The following PEPD variants were observed in gnomAD, a reference collection of about 807,000 sequenced individuals.
PEPD encodes peptidase D.
A neutral mutation model predicts 60.7 loss-of-function variants in PEPD; 53 were observed. The observed-to-expected ratio is 0.87, with a 90% confidence interval of 0.70 to 1.10. The LOEUF is 1.10. PEPD is among the 50% of genes least tolerant of loss of function. The pLI is 0.00. For synonymous variants in PEPD, 267 were observed against 284.1 expected (o/e 0.94, Z 0.60); for missense variants, 711 against 711.9 (o/e 1.00, Z 0.01).
At chr19:33,519,319 T>C (rs1971086482) in intron 1 of PEPD, among the ~76,000 whole-genome samples, 1 of 152,200 alleles carries the variant, frequency 6.6e-6, no homozygotes. Context: ...TCTGAGATGC[T>C]AGTTTAGGGC....
At chr19:33,506,670 C>T (rs1181508529) in intron 3 of PEPD, among the ~76,000 whole-genome samples, 4 of 148,496 alleles carry the variant, frequency 2.7e-5, no homozygotes, top group Non-Finnish European at 3.0e-5. Flanking sequence ...CTCACATGCA[C>T]CCTACACACC....
In PEPD at chr19:33,411,657, G is replaced by A. The variant is rs780878357; in HGVS notation, c.818+15C>T. 20 of 1,492,422 alleles carry A rather than the reference G, an allele frequency of 1.3e-5. No homozygotes were observed. Among genetic ancestry groups the A allele is most frequent in the East Asian group, 2.3e-5 (1 of 44,298 alleles). 92.4% of individuals were successfully genotyped at this position (1,492,422 alleles called of 1,614,324 possible). On this transcript the variant is annotated intron_variant, in intron 11 of 14. Transcript: ENST00000244137. ...GCTGTTCACACACAGAGCCAGGGCC[G>A]CTGGCCCTACTTACCACATATCCCC...
chr19:33,401,576 GC>G, intron 12 of PEPD, 144 bp downstream of exon 12: 1 of 790,314 alleles, frequency 1.3e-6, no homozygotes, highest in Non-Finnish European at 2.1e-6. Flanking sequence ...GAGACCTGAC[GC>G]CACTGGAATC....
At chr19:33,454,625 A>T (rs1039707772) in intron 9 of PEPD, among the ~76,000 whole-genome samples, 4 of 152,186 alleles carry the variant, frequency 2.6e-5, no homozygotes, top group African/African-American at 9.6e-5. Context: ...AAAAAGAAAG[A>T]AAGTACAATT....
chr19:33,505,936 T>TAC (rs1328604096), intron 3 of PEPD, among the ~76,000 whole-genome samples: 1 of 119,532 alleles, frequency 8.4e-6, no homozygotes, highest in African/African-American at 3.3e-5. Flanking sequence ...CCCTACACAC[T>TAC]ACACACACAC....
At chr19:33,393,566 C>T (rs1304698997) in intron 12 of PEPD, among the ~76,000 whole-genome samples, 1 of 150,988 alleles carries the variant, frequency 6.6e-6, no homozygotes, top group Non-Finnish European at 1.5e-5. Flanking sequence ...AACAAACAAA[C>T]AGCCACAAGG....
intron 1 of PEPD, among the ~76,000 whole-genome samples, chr19:33,521,515 G>A (rs1286210251): frequency 2.0e-5 from 3 of 152,232 alleles, no homozygotes; most frequent in African/African-American, 7.2e-5. Context: ...GACGCGGGCA[G>A]GTGGGGCCGG....
At chr19:33,411,515 T>C (rs1968773131) in intron 11 of PEPD, among the ~76,000 whole-genome samples, 157 bp downstream of exon 11, 1 of 152,176 alleles carries the variant, frequency 6.6e-6, no homozygotes. Context: ...CGCAGGCCGA[T>C]AGCCTTGGCA....
chr19:33,512,771 G>A lies in PEPD; in HGVS notation c.23C>T (p.Ser8Leu), dbSNP rs1600176734. MAAATGP[S>L]FWLGNETLKV... ...CAGGGTTTCATTCCCCAGCCAAAAC[G>A]AGGGTCTGCAGAGGCAAGAGCACAC... Residue 8 changes from serine (S) to leucine (L), a missense_variant, in exon 2 of 15, where the codon TCG (serine) becomes TTG (leucine). Coordinates refer to ENST00000244137, the MANE Select transcript of PEPD (RefSeq NM_000285.4). 1.9e-6 allele frequency: 3 copies of A among 1,614,014 alleles called. No homozygotes were observed. Among genetic ancestry groups the A allele is most frequent in the South Asian group, 1.1e-5 (1 of 91,066 alleles).
At chr19:33,404,705 C>G (rs1228875667) in intron 11 of PEPD, among the ~76,000 whole-genome samples, 2 of 152,178 alleles carry the variant, frequency 1.3e-5, no homozygotes, top group African/African-American at 4.8e-5. Flanking sequence ...GATCTGCTTT[C>G]TGGAGGGGGA....
chr19:33,441,116 A>G (rs1479552143), intron 9 of PEPD, among the ~76,000 whole-genome samples: 1 of 152,200 alleles, frequency 6.6e-6, no homozygotes. Context: ...GGCCCCACCT[A>G]TGGCATCTGG....
intron 9 of PEPD, among the ~76,000 whole-genome samples, chr19:33,430,723 C>CCCTCGCCCCAG (rs1395787148): frequency 6.6e-6 from 1 of 152,258 alleles, no homozygotes; most frequent in South Asian, 2.1e-4. Context: ...AGACCTGCTC[C>CCCTCGCCCCAG]CCTCGCCCCA....
At chr19:33,454,285 A>G (rs1969755308) in intron 9 of PEPD, among the ~76,000 whole-genome samples, 1 of 152,182 alleles carries the variant, frequency 6.6e-6, no homozygotes, top group African/African-American at 2.4e-5. Context: ...TATAAAATAA[A>G]TATCCATGGG....
intron 1 of PEPD, among the ~76,000 whole-genome samples, chr19:33,518,183 C>T (rs928752188): frequency 6.6e-6 from 1 of 152,166 alleles, no homozygotes; most frequent in Non-Finnish European, 1.5e-5. Flanking sequence ...GGCCAGCAAC[C>T]TCCACCTTGC....
At chr19:33,478,490 T>C (rs748852822) in intron 6 of PEPD, among the ~76,000 whole-genome samples, 2 of 152,040 alleles carry the variant, frequency 1.3e-5, no homozygotes, top group Non-Finnish European at 2.9e-5. Flanking sequence ...GAACTCCAAG[T>C]AGGATAAATT....
At chr19:33,407,686 G>T (rs560861758) in intron 11 of PEPD, among the ~76,000 whole-genome samples, 2 of 152,350 alleles carry the variant, frequency 1.3e-5, no homozygotes, top group Non-Finnish European at 2.9e-5. Flanking sequence ...AAAAAGCAGC[G>T]AATGGCCCCT....
intron 7 of PEPD, among the ~76,000 whole-genome samples, chr19:33,475,845 G>A (rs574465848): frequency 2.0e-5 from 3 of 152,168 alleles, no homozygotes; most frequent in African/African-American, 7.2e-5. Context: ...TGCCTTTTAC[G>A]GACAAGTCAG....
intron 6 of PEPD, among the ~76,000 whole-genome samples, chr19:33,482,404 T>A (rs1216960605): frequency 6.6e-6 from 1 of 152,188 alleles, no homozygotes; most frequent in Admixed American, 6.5e-5. Context: ...CTTTTCATAA[T>A]AAATACTCAA....
intron 13 of PEPD, among the ~76,000 whole-genome samples, chr19:33,390,790 C>T (rs924371942): frequency 9.2e-5 from 14 of 152,192 alleles, no homozygotes; most frequent in African/African-American, 3.1e-4. Context: ...CCCAGGTGTG[C>T]GGCCCAGGGG....
Sources: gnomAD v4.1 joint callset for allele counts (sites outside exome capture counted in the v4.1 genomes callset) on GRCh38, gnomAD v4.1.1 for gene constraint, MANE v1.5 for transcripts, NCBI Gene and HGNC (gene_info 2026-07-23, HGNC 2026-07-21) for gene names.